FHIT: variants seen among roughly 807,000 people sequenced by gnomAD.
FHIT encodes fragile histidine triad diadenosine triphosphatase, also known as bis(5'-adenosyl)-triphosphatase.
Under a neutral mutation model 17.9 loss-of-function variants are expected in FHIT, and 19 were observed. The observed-to-expected ratio is 1.06, with a 90% CI of 0.74 to 1.56. The LOEUF (loss-of-function observed/expected upper bound fraction) is 1.56, where lower values mean the gene tolerates loss of function less well. Among genes scored for constraint, FHIT ranks in the 40% most tolerant of loss-of-function variants. FHIT has a pLI of 0.00. For synonymous variants in FHIT, 81 were observed against 69.7 expected, an observed-to-expected ratio of 1.16 and a Z score of -0.81; for missense variants, 248 against 189.2, an observed-to-expected ratio of 1.31 and a Z score of -1.82.
chr3:60,648,125 T>TG (rs2107802212), intron 4 of FHIT, among the ~76,000 whole-genome samples: 1 of 151,992 alleles, frequency 6.6e-6, no homozygotes, highest in South Asian at 2.1e-4. Context: ...GACAATGGGG[T>TG]GGGGAGTCAG....
chr3:60,179,654 T>C (rs982812428), intron 5 of FHIT, among the ~76,000 whole-genome samples: 2 of 152,064 alleles, frequency 1.3e-5, no homozygotes, highest in Non-Finnish European at 2.9e-5. Flanking sequence ...AATATTAGGT[T>C]ATAATACATG....
intron 5 of FHIT, among the ~76,000 whole-genome samples, chr3:60,444,683 C>T (rs183915555): frequency 1.2e-3 from 186 of 151,846 alleles, no homozygotes; most frequent in Non-Finnish European, 2.4e-3. Context: ...CATCACACAC[C>T]GGGGTCTGTT....
intron 3 of FHIT, among the ~76,000 whole-genome samples, chr3:60,898,402 A>G (rs559326628): frequency 2.5e-4 from 38 of 152,354 alleles, no homozygotes; most frequent in African/African-American, 9.1e-4. Context: ...ATTAAATAGT[A>G]CACAAGATTT....
chr3:59,800,653 C>A (rs1008882425), intron 8 of FHIT, among the ~76,000 whole-genome samples: 2 of 152,160 alleles, frequency 1.3e-5, no homozygotes, highest in Non-Finnish European at 2.9e-5. Context: ...GCATGTGCAC[C>A]CCTTTCTTGG....
chr3:60,078,030 A>G (rs1337456733), intron 5 of FHIT, among the ~76,000 whole-genome samples: 1 of 152,148 alleles, frequency 6.6e-6, no homozygotes, highest in Admixed American at 6.5e-5. Flanking sequence ...CCTTCCTTAC[A>G]GAATTTCAAG....
chr3:60,316,152 A>G (rs576194478), intron 5 of FHIT, among the ~76,000 whole-genome samples: 1 of 152,138 alleles, frequency 6.6e-6, no homozygotes, highest in Non-Finnish European at 1.5e-5. Context: ...CATTAGCCCA[A>G]AGGTTTTGTA....
At chr3:61,092,377 C>T (rs2035512519) in intron 2 of FHIT, among the ~76,000 whole-genome samples, 1 of 152,106 alleles carries the variant, frequency 6.6e-6, no homozygotes, top group Admixed American at 6.5e-5. Context: ...ACCCTCTTCT[C>T]CATCATCCTT....
chr3:60,397,912 A>G (rs544415471), intron 5 of FHIT, among the ~76,000 whole-genome samples: 2 of 152,042 alleles, frequency 1.3e-5, no homozygotes, highest in African/African-American at 2.4e-5. Flanking sequence ...CCTTTTTTGC[A>G]TACTCACAGA....
chr3:60,627,568 G>A (rs1275817299), intron 4 of FHIT, among the ~76,000 whole-genome samples: 1 of 152,148 alleles, frequency 6.6e-6, no homozygotes, highest in Non-Finnish European at 1.5e-5. Flanking sequence ...TGCAGTGACA[G>A]GCTGGAGTGC....
intron 5 of FHIT, among the ~76,000 whole-genome samples, chr3:60,333,029 CAA>C (rs1710062257): frequency 6.6e-6 from 1 of 152,090 alleles, no homozygotes; most frequent in Non-Finnish European, 1.5e-5. Context: ...TAAATGAGAA[CAA>C]GGAACAAGCT....
intron 4 of FHIT, among the ~76,000 whole-genome samples, chr3:60,560,109 C>A (rs2036884112): frequency 6.6e-6 from 1 of 151,982 alleles, no homozygotes; most frequent in African/African-American, 2.4e-5. Flanking sequence ...TCTAAGTACA[C>A]AAACAAGACA....
intron 4 of FHIT, among the ~76,000 whole-genome samples, chr3:60,550,316 T>C (rs1376603483): frequency 2.2e-5 from 3 of 138,894 alleles, no homozygotes; most frequent in African/African-American, 5.5e-5. Flanking sequence ...CAGGAGACAG[T>C]AGAAGAGGAT....
intron 4 of FHIT, among the ~76,000 whole-genome samples, chr3:60,632,417 C>T (rs1156794730): frequency 6.6e-6 from 1 of 152,146 alleles, no homozygotes; most frequent in East Asian, 1.9e-4. Flanking sequence ...TACCAAGGGG[C>T]TCCATGTCTT....
intron 5 of FHIT, among the ~76,000 whole-genome samples, chr3:60,256,612 G>C (rs148950731): frequency 6.6e-6 from 1 of 152,284 alleles, no homozygotes; most frequent in Non-Finnish European, 1.5e-5. Context: ...CCAAATACCA[G>C]TCAAGCACTA....
chr3:61,093,029 G>A (rs540615837), intron 2 of FHIT, among the ~76,000 whole-genome samples: 1 of 152,190 alleles, frequency 6.6e-6, no homozygotes, highest in South Asian at 2.1e-4. Context: ...GGCACACAGA[G>A]CTAAGACAAA....
intron 2 of FHIT, among the ~76,000 whole-genome samples, chr3:61,094,656 AATT>A (rs2035585012): frequency 6.6e-6 from 1 of 152,216 alleles, no homozygotes; most frequent in Non-Finnish European, 1.5e-5. Context: ...AAAATAGAGC[AATT>A]ATAACACTAT....
intron 5 of FHIT, among the ~76,000 whole-genome samples, chr3:60,281,871 T>G (rs1045750353): frequency 6.6e-6 from 1 of 152,102 alleles, no homozygotes; most frequent in Non-Finnish European, 1.5e-5. Context: ...AAAATACTGT[T>G]AAGAGAATGA....
chr3:61,226,371 G>C (rs541556387), intron 1 of FHIT, among the ~76,000 whole-genome samples: 1 of 152,200 alleles, frequency 6.6e-6, no homozygotes, highest in South Asian at 2.1e-4. Flanking sequence ...CTATTTTCCT[G>C]CATTTCCCCT....
chr3:60,756,079 A>C (rs1276320155), intron 4 of FHIT, among the ~76,000 whole-genome samples: 1 of 152,228 alleles, frequency 6.6e-6, no homozygotes, highest in Non-Finnish European at 1.5e-5. Flanking sequence ...CATCTAAAAG[A>C]ATAAAGAAAA....
Sources: gnomAD v4.1 joint callset for allele counts (sites outside exome capture counted in the v4.1 genomes callset) on GRCh38, gnomAD v4.1.1 for gene constraint, MANE v1.5 for transcripts, NCBI Gene and HGNC (gene_info 2026-07-23, HGNC 2026-07-21) for gene names.